Variants in BAZ1B observed in about 807,000 individuals in gnomAD.
BAZ1B encodes the protein bromodomain adjacent to zinc finger domain 1B.
BAZ1B carries 22 observed loss-of-function variants against 153.8 expected under a neutral mutation model. The observed-to-expected ratio is 0.14, with a 90% CI of 0.10 to 0.20. BAZ1B has a LOEUF of 0.20. BAZ1B is among the 10% of genes least tolerant of loss of function. BAZ1B has a pLI of 1.00. For synonymous variants in BAZ1B, 676 were observed against 633.4 expected, an observed-to-expected ratio of 1.07 and a Z score of -1.01; for missense variants, 1,325 against 1,799.3, an observed-to-expected ratio of 0.74 and a Z score of 4.77.
Position 73,466,401 on chromosome 7 carries a change from C to T in BAZ1B, c.2867G>A (p.Ser956Asn). Residue 956 changes from serine (S) to asparagine (N), a missense_variant and splice_region_variant, in exon 10 of 20, where the codon AGT becomes AAT. Around this residue, in one of 9 missense-constraint regions of BAZ1B, gnomAD observed 431 missense variants for 563.5 expected, o/e 0.76. Coordinates refer to ENST00000339594, the MANE Select transcript of BAZ1B (RefSeq NM_032408.4). ...ATTTTTACCTAAGTTTGCTTTCTTA[C>T]CTAAGAAAAATTGAGACATTAGGTT... The part of the protein sequence containing the change: ...VSGDEDYCPR[S>N]KKANLGKNAS... The T allele has an allele frequency of 6.2e-7, 1 of 1,609,168 alleles. No homozygotes were observed. Among genetic ancestry groups the T allele is most frequent in the Non-Finnish European group, 8.5e-7 (1 of 1,175,666 alleles).
At chr7:73,508,730 T>C (rs554102737) in intron 2 of BAZ1B, among the ~76,000 whole-genome samples, 52 of 152,272 alleles carry the variant, frequency 3.4e-4, no homozygotes, top group African/African-American at 1.2e-3. Flanking sequence ...ACTTAACTTT[T>C]GGGCAGGGCG....
At chr7:73,460,151 TGTA>T (rs1168115762) in intron 12 of BAZ1B, among the ~76,000 whole-genome samples, 24 of 144,138 alleles carry the variant, frequency 1.7e-4, no homozygotes, top group African/African-American at 6.2e-4. Flanking sequence ...ATCGTGCTAC[TGTA>T]CTCCAGTCTG....
intron 6 of BAZ1B, among the ~76,000 whole-genome samples, chr7:73,484,340 T>C (rs545698747): frequency 6.1e-5 from 9 of 148,658 alleles, no homozygotes; most frequent in South Asian, 2.1e-4. Flanking sequence ...GACAGACAGA[T>C]ATAGATAGAT....
intron 6 of BAZ1B, among the ~76,000 whole-genome samples, chr7:73,483,173 A>G (rs1789266588): frequency 6.6e-6 from 1 of 152,182 alleles, no homozygotes; most frequent in Non-Finnish European, 1.5e-5. Flanking sequence ...AGAAAAAGAG[A>G]GCGTCCACAA....
chr7:73,480,662 G>A (rs562095915), intron 6 of BAZ1B, among the ~76,000 whole-genome samples: 1 of 152,278 alleles, frequency 6.6e-6, no homozygotes, highest in Non-Finnish European at 1.5e-5. Flanking sequence ...TTTTTCAACA[G>A]AAGGGACTAA....
At chr7:73,459,970 G>A (rs544690286) in intron 12 of BAZ1B, among the ~76,000 whole-genome samples, 9 of 152,048 alleles carry the variant, frequency 5.9e-5, no homozygotes, top group Admixed American at 2.6e-4. Flanking sequence ...CAAGGCGGGC[G>A]AATCACCTGA....
chr7:73,503,613 C>G (rs1790222742), intron 3 of BAZ1B, among the ~76,000 whole-genome samples: 2 of 152,090 alleles, frequency 1.3e-5, no homozygotes, highest in Non-Finnish European at 2.9e-5. Context: ...AGCTTCAAGC[C>G]AACCTCCCGC....
At chr7:73,499,273 T>C (rs1554576788) in intron 3 of BAZ1B, among the ~76,000 whole-genome samples, 2 of 152,108 alleles carry the variant, frequency 1.3e-5, no homozygotes, top group African/African-American at 2.4e-5. Flanking sequence ...ACTGATCTGC[T>C]TGTCTCAGCC....
In BAZ1B at chr7:73,522,107, A is replaced by T; in HGVS notation, c.-174T>A. On this transcript the variant is annotated 5_prime_UTR_variant, in exon 1 of 20. It removes an upstream start codon present in the reference 5' UTR. Transcript: ENST00000339594. ...CCGCCGGCGCGGCCGCGCGACAGTC[A>T]TGGAGCGGAACGCCACGGCGCAGAG... The T allele has an allele frequency of 2.4e-6, 1 of 424,364 alleles. No homozygotes were observed. 26.3% of individuals were successfully genotyped at this position (424,364 alleles called of 1,614,324 possible).
intron 3 of BAZ1B, among the ~76,000 whole-genome samples, chr7:73,506,391 C>T (rs1236862477): frequency 6.6e-6 from 1 of 151,308 alleles, no homozygotes; most frequent in African/African-American, 2.4e-5. Flanking sequence ...CCCAGCTACT[C>T]GGGAGGCTGA....
intron 4 of BAZ1B, among the ~76,000 whole-genome samples, chr7:73,493,894 T>C (rs1055204285): frequency 4.0e-5 from 6 of 149,586 alleles, no homozygotes; most frequent in East Asian, 2.0e-4. Context: ...TGTTCAGAGA[T>C]TGCAGATTGC....
At chr7:73,517,973 G>A (rs1467272931) in intron 1 of BAZ1B, among the ~76,000 whole-genome samples, 1 of 152,156 alleles carries the variant, frequency 6.6e-6, no homozygotes, top group Non-Finnish European at 1.5e-5. Context: ...GTCAGAAGAT[G>A]GCAAAGAGTG....
At chr7:73,520,612 T>C (rs1790996896) in intron 1 of BAZ1B, among the ~76,000 whole-genome samples, 1 of 152,152 alleles carries the variant, frequency 6.6e-6, no homozygotes, top group Non-Finnish European at 1.5e-5. Flanking sequence ...TCCAAGAGCC[T>C]TCCTCCAGCA....
At chr7:73,454,218 C>G (rs1262091673) in intron 13 of BAZ1B, among the ~76,000 whole-genome samples, 1 of 151,884 alleles carries the variant, frequency 6.6e-6, no homozygotes, top group Non-Finnish European at 1.5e-5. Flanking sequence ...TCCAGCTACT[C>G]GGGAAAGTGA....
At chr7:73,449,007 C>T (rs1554567400) in intron 15 of BAZ1B, among the ~76,000 whole-genome samples, 1 of 152,034 alleles carries the variant, frequency 6.6e-6, no homozygotes, top group African/African-American at 2.4e-5. Flanking sequence ...GTAGAAGGGA[C>T]AAATGATAGC....
chr7:73,460,218 A>AG (rs1470044500), intron 12 of BAZ1B, among the ~76,000 whole-genome samples: 33 of 149,508 alleles, frequency 2.2e-4, no homozygotes, highest in African/African-American at 7.9e-4. Flanking sequence ...AAAAAAAAAA[A>AG]GTACTTGACT....
At chr7:73,510,682 T>C (rs1790543096) in intron 2 of BAZ1B, 54 bp downstream of exon 2, 9 of 1,510,506 alleles carry the variant, frequency 6.0e-6, no homozygotes, top group Non-Finnish European at 7.4e-6. Flanking sequence ...TAATATTCCC[T>C]CCTTTCCTAA....
At chr7:73,465,599 TAAGCA>T (rs1583901998) in intron 10 of BAZ1B, 62 bp from the exon 11 acceptor site, 5 of 1,091,320 alleles carry the variant, frequency 4.6e-6, no homozygotes, top group South Asian at 1.5e-5. Flanking sequence ...AATCAAACAC[TAAGCA>T]AGGGATCTAG....
intron 1 of BAZ1B, among the ~76,000 whole-genome samples, chr7:73,516,055 G>A (rs371527852): frequency 1.3e-5 from 2 of 152,198 alleles, no homozygotes; most frequent in Admixed American, 6.5e-5. Context: ...GCTGAGGCAG[G>A]AGAATCACTT....
Sources: gnomAD v4.1 joint callset for allele counts (sites outside exome capture counted in the v4.1 genomes callset) on GRCh38, gnomAD v4.1.1 for gene constraint, gnomAD v4.1.1 regional missense constraint, MANE v1.5 for transcripts, NCBI Gene and HGNC (gene_info 2026-07-23, HGNC 2026-07-21) for gene names.